The following PDE7B variants were observed in gnomAD, a reference collection of about 807,000 sequenced individuals.
The protein encoded by PDE7B is 3',5'-cyclic-AMP phosphodiesterase 7B.
PDE7B carries 29 observed loss-of-function variants against 56.2 expected under a neutral mutation model. That is an observed-to-expected ratio of 0.52 (90% CI 0.38 to 0.70). PDE7B has a LOEUF of 0.70. PDE7B is among the 30% of genes least tolerant of loss of function. The pLI, the probability that PDE7B is intolerant of heterozygous loss-of-function variation, is 0.00. For missense variants in PDE7B, 490 were observed against 565.0 expected (o/e 0.87, Z 1.35); for synonymous variants, 197 against 196.9 (o/e 1.00, Z 0.00).
chr6:136,058,081 G>A (rs1583856258), intron 2 of PDE7B, among the ~76,000 whole-genome samples: 1 of 152,110 alleles, frequency 6.6e-6, no homozygotes, highest in East Asian at 1.9e-4. Flanking sequence ...ATAACACATT[G>A]CCATTAGAAT....
chr6:136,151,941 A>AAAATAAAT (rs142191170), intron 6 of PDE7B, among the ~76,000 whole-genome samples: 84 of 151,896 alleles, frequency 5.5e-4, no homozygotes, highest in African/African-American at 2.0e-3. Context: ...CTCTGTCTTA[A>AAAATAAAT]AAATAAATAA....
intron 1 of PDE7B, among the ~76,000 whole-genome samples, chr6:135,898,989 T>C (rs962555861): frequency 6.6e-6 from 1 of 152,116 alleles, no homozygotes; most frequent in Admixed American, 6.5e-5. Context: ...TGGAGATAAT[T>C]GAATCATGGG....
chr6:135,949,902 A>G (rs1293049158), intron 2 of PDE7B, among the ~76,000 whole-genome samples: 1 of 152,186 alleles, frequency 6.6e-6, no homozygotes, highest in Non-Finnish European at 1.5e-5. Flanking sequence ...TTGCTCACAT[A>G]GTGAAAATTG....
chr6:135,893,556 CT>C (rs1158189194), intron 1 of PDE7B, among the ~76,000 whole-genome samples: 1 of 152,120 alleles, frequency 6.6e-6, no homozygotes, highest in African/African-American at 2.4e-5. Flanking sequence ...CACTTTTACA[CT>C]GTTGGTGGGA....
At chr6:135,867,424 T>A (rs1031043293) in intron 1 of PDE7B, among the ~76,000 whole-genome samples, 2 of 151,952 alleles carry the variant, frequency 1.3e-5, no homozygotes, top group African/African-American at 2.4e-5. Flanking sequence ...GGTTTAAAAA[T>A]TTTTTTTAAC....
At position 136,192,912 on chromosome 6, in the gene PDE7B, C is replaced by A. The variant is rs1779253066; in HGVS notation, c.*1072C>A. 1 of 152,350 alleles carries A rather than the reference C, an allele frequency of 6.6e-6. No individual in the cohort carries two copies. The highest frequency in any genetic ancestry group is 1.9e-4 in the East Asian group (1 of 5,194). The allele number at this position is 152,350 out of a possible 1,614,324, so 9.4% of individuals were successfully genotyped here. On this transcript the variant is annotated 3_prime_UTR_variant, in exon 13 of 13. Coordinates refer to ENST00000308191, the MANE Select transcript of PDE7B (RefSeq NM_018945.4). ...TCTGTATGTTTTCCAGCTAAGGTCA[C>A]AAACCAAAACTGAATAAAGTCTTTG...
chr6:135,912,869 C>T (rs749664800), intron 1 of PDE7B, among the ~76,000 whole-genome samples: 6 of 152,092 alleles, frequency 3.9e-5, no homozygotes, highest in Non-Finnish European at 5.9e-5. Flanking sequence ...ATTTAAGGAG[C>T]TTGCCCAAGA....
At chr6:136,153,137 A>G (rs970290043) in intron 6 of PDE7B, among the ~76,000 whole-genome samples, 9 of 152,234 alleles carry the variant, frequency 5.9e-5, no homozygotes, top group African/African-American at 1.9e-4. Context: ...CAATTGATTG[A>G]GCAAAGAAAT....
At chr6:136,108,181 A>T (rs1404369807) in intron 2 of PDE7B, among the ~76,000 whole-genome samples, 2 of 151,764 alleles carry the variant, frequency 1.3e-5, no homozygotes, top group South Asian at 2.1e-4. Flanking sequence ...GGAACCTACA[A>T]ATAAATAAGT....
intron 2 of PDE7B, among the ~76,000 whole-genome samples, chr6:135,951,061 G>C (rs1021922778): frequency 6.6e-6 from 1 of 152,136 alleles, no homozygotes; most frequent in Non-Finnish European, 1.5e-5. Flanking sequence ...CTGACTACAC[G>C]GAGTGTTAAC....
At chr6:136,028,101 C>A (rs573612487) in intron 2 of PDE7B, among the ~76,000 whole-genome samples, 5 of 152,126 alleles carry the variant, frequency 3.3e-5, no homozygotes, top group Non-Finnish European at 4.4e-5. Context: ...GTAGGGCAGG[C>A]ACAATTCACC....
At chr6:135,943,669 G>T (rs1372833164) in intron 1 of PDE7B, among the ~76,000 whole-genome samples, 1 of 152,168 alleles carries the variant, frequency 6.6e-6, no homozygotes, top group Non-Finnish European at 1.5e-5. Flanking sequence ...TTAGTACAAG[G>T]CTTAGCCCAT....
At chr6:136,174,106 A>G (rs141641223) in intron 9 of PDE7B, among the ~76,000 whole-genome samples, 1 of 152,148 alleles carries the variant, frequency 6.6e-6, no homozygotes, top group Non-Finnish European at 1.5e-5. Flanking sequence ...TGCAGAGTCA[A>G]TGACCTACAG....
intron 2 of PDE7B, among the ~76,000 whole-genome samples, chr6:136,083,328 A>G (rs1777235910): frequency 6.6e-6 from 1 of 152,180 alleles, no homozygotes; most frequent in African/African-American, 2.4e-5. Context: ...TATTCCTGGA[A>G]CATAGTATGG....
intron 3 of PDE7B, among the ~76,000 whole-genome samples, chr6:136,137,362 T>A (rs1562502248): frequency 1.3e-5 from 2 of 152,072 alleles, no homozygotes; most frequent in African/African-American, 4.8e-5. Context: ...GCTCAATAAT[T>A]ATCAAAGTAG....
chr6:135,958,006 C>T lies in PDE7B; in HGVS notation c.82+10482C>T, dbSNP rs889076725. Among the ~76,000 whole-genome samples the T allele has an allele frequency of 3.3e-5, 5 of 152,044 alleles. No individual in the cohort carries two copies. The East Asian group carries it at 5.8e-4, about 18-fold the overall frequency. On this transcript the variant is annotated intron_variant, in intron 2 of 12. Transcript: ENST00000308191. ...CAGCACTTTGGGAGGCCGAGGTGGGCGGATACCCTGAGCTCAGGAGTTCAA... is the reference window on the plus strand; with the variant it reads ...CAGCACTTTGGGAGGCCGAGGTGGGTGGATACCCTGAGCTCAGGAGTTCAA...
At chr6:135,862,042 C>G (rs563582925) in intron 1 of PDE7B, among the ~76,000 whole-genome samples, 2 of 151,938 alleles carry the variant, frequency 1.3e-5, no homozygotes, top group East Asian at 3.9e-4. Flanking sequence ...TAGAGGTAAT[C>G]AGAGCATCCA....
At chr6:135,917,569 T>G (rs960205328) in intron 1 of PDE7B, among the ~76,000 whole-genome samples, 1 of 152,172 alleles carries the variant, frequency 6.6e-6, no homozygotes, top group Non-Finnish European at 1.5e-5. Context: ...ATTTCAACAT[T>G]GTCATTTCAA....
chr6:136,078,600 A>G (rs971935707), intron 2 of PDE7B, among the ~76,000 whole-genome samples: 11 of 151,780 alleles, frequency 7.2e-5, no homozygotes, highest in Non-Finnish European at 1.6e-4. Flanking sequence ...AAAAAAAGGT[A>G]TTATGTAAAA....
Sources: allele counts gnomAD v4.1 joint callset (sites outside exome capture counted in the v4.1 genomes callset), GRCh38; gene constraint gnomAD v4.1.1; transcripts MANE v1.5; gene names NCBI Gene and HGNC (gene_info 2026-07-23, HGNC 2026-07-21).